The following ANAPC10 variants were observed in gnomAD, a reference collection of about 807,000 sequenced individuals.
ANAPC10 encodes the protein anaphase-promoting complex subunit 10.
In ANAPC10, 12 loss-of-function variants were observed where a neutral mutation model predicts 22.0. That is an observed-to-expected ratio of 0.55 (90% CI 0.35 to 0.88). The LOEUF (loss-of-function observed/expected upper bound fraction) is 0.88, where lower values mean the gene tolerates loss of function less well. Ranked by LOEUF, ANAPC10 falls within the 40% of genes least tolerant of loss-of-function variation. ANAPC10 has a pLI of 0.01. For synonymous variants in ANAPC10, 65 were observed against 69.5 expected, an observed-to-expected ratio of 0.94 and a Z score of 0.32; for missense variants, 188 against 220.9, an observed-to-expected ratio of 0.85 and a Z score of 0.94.
At chr4:145,053,725 C>T in intron 4 of ANAPC10, 1 of 633,364 alleles carries the variant, frequency 1.6e-6, no homozygotes. Context: ...ATTCTCATTC[C>T]TTTATCCTGA....
intron 3 of ANAPC10, among the ~76,000 whole-genome samples, chr4:145,080,113 CAAAAA>C (rs70956824): frequency 7.8e-4 from 21 of 26,806 alleles, no homozygotes; most frequent in Non-Finnish European, 1.3e-3. Context: ...GACTCTGTCT[CAAAAA>C]AAAAAAAAAA....
At chr4:145,076,797 A>C (rs910588707) in intron 3 of ANAPC10, among the ~76,000 whole-genome samples, 11 of 152,222 alleles carry the variant, frequency 7.2e-5, no homozygotes, top group Non-Finnish European at 1.5e-4. Context: ...AACTCACTAC[A>C]AGGATTTCAT....
intron 4 of ANAPC10, among the ~76,000 whole-genome samples, chr4:145,017,095 C>A (rs183863531): frequency 7.2e-5 from 11 of 152,060 alleles, no homozygotes; most frequent in African/African-American, 2.2e-4. Context: ...CAAAAGCAAT[C>A]GCAACAAAAG....
At chr4:145,012,776 G>C (rs1377511011) in intron 4 of ANAPC10, among the ~76,000 whole-genome samples, 1 of 152,090 alleles carries the variant, frequency 6.6e-6, no homozygotes, top group African/African-American at 2.4e-5. Context: ...GAATAGAAAA[G>C]GGAGAAACAC....
chr4:145,058,365 C>A (rs1247368498), intron 4 of ANAPC10, among the ~76,000 whole-genome samples: 1 of 152,080 alleles, frequency 6.6e-6, no homozygotes, highest in Non-Finnish European at 1.5e-5. Context: ...GTCAGTTGAA[C>A]CATCAACCTC....
intron 4 of ANAPC10, among the ~76,000 whole-genome samples, chr4:145,049,314 T>A (rs893307160): frequency 6.6e-6 from 1 of 152,322 alleles, no homozygotes; most frequent in South Asian, 2.1e-4. Context: ...TATTCAATAT[T>A]CCTTTCATGA....
intron 4 of ANAPC10, among the ~76,000 whole-genome samples, chr4:145,043,491 T>C (rs1739823797): frequency 1.3e-5 from 2 of 152,096 alleles, no homozygotes; most frequent in South Asian, 2.1e-4. Context: ...CAATACATTA[T>C]ATGGTAGCAT....
chr4:145,000,925 T>C (rs1344485639), intron 4 of ANAPC10, among the ~76,000 whole-genome samples: 1 of 152,138 alleles, frequency 6.6e-6, no homozygotes, highest in Non-Finnish European at 1.5e-5. Flanking sequence ...ACCATCATTC[T>C]AAGCCAACTA....
intron 4 of ANAPC10, among the ~76,000 whole-genome samples, chr4:145,045,906 A>G (rs896746225): frequency 6.6e-6 from 1 of 152,120 alleles, no homozygotes; most frequent in Non-Finnish European, 1.5e-5. Context: ...GTAATTTTAA[A>G]AAACGATCTG....
intron 4 of ANAPC10, among the ~76,000 whole-genome samples, chr4:145,008,167 C>G (rs186347938): frequency 1.3e-5 from 2 of 152,238 alleles, no homozygotes; most frequent in African/African-American, 4.8e-5. Flanking sequence ...AGACCAATAA[C>G]AGGCTCTGAA....
chr4:145,069,881 A>G (rs1219780451), intron 3 of ANAPC10, among the ~76,000 whole-genome samples: 3 of 152,190 alleles, frequency 2.0e-5, no homozygotes, highest in Admixed American at 2.0e-4. Context: ...AAAAATGTAA[A>G]CAATGACACT....
At chr4:145,027,310 T>G (rs1736909967) in intron 4 of ANAPC10, among the ~76,000 whole-genome samples, 1 of 151,788 alleles carries the variant, frequency 6.6e-6, no homozygotes, top group Non-Finnish European at 1.5e-5. Context: ...GGCCAAAAAC[T>G]TCTTAATTTA....
chr4:145,046,200 T>C (rs191100120), intron 4 of ANAPC10, among the ~76,000 whole-genome samples: 7 of 152,236 alleles, frequency 4.6e-5, no homozygotes, highest in African/African-American at 1.7e-4. Context: ...TAGACAGCGC[T>C]TTCTTGAAAA....
chr4:145,060,426 A>G (rs1447842805), intron 4 of ANAPC10, among the ~76,000 whole-genome samples: 1 of 152,048 alleles, frequency 6.6e-6, no homozygotes. Flanking sequence ...ACTAAAATGA[A>G]GGAAAATAAA....
At chr4:145,063,095 T>A in intron 4 of ANAPC10, among the ~76,000 whole-genome samples, 1 of 152,140 alleles carries the variant, frequency 6.6e-6, no homozygotes, top group East Asian at 1.9e-4. Flanking sequence ...ATCCAGTATA[T>A]AACAGTGACT....
At chr4:145,045,091 G>T (rs1005563266) in intron 4 of ANAPC10, among the ~76,000 whole-genome samples, 2 of 151,808 alleles carry the variant, frequency 1.3e-5, no homozygotes, top group Non-Finnish European at 2.9e-5. Flanking sequence ...CTCTCCAAAA[G>T]CTAATGTAAA....
chr4:145,076,912 A>G (rs1223738354), intron 3 of ANAPC10, among the ~76,000 whole-genome samples: 1 of 152,218 alleles, frequency 6.6e-6, no homozygotes, highest in Non-Finnish European at 1.5e-5. Context: ...AAAATAAAAA[A>G]GAATTTGCCA....
chr4:145,001,842 C>A (rs897296836), intron 4 of ANAPC10, among the ~76,000 whole-genome samples: 3 of 152,094 alleles, frequency 2.0e-5, no homozygotes, highest in Non-Finnish European at 4.4e-5. Context: ...CTGGCTGTGA[C>A]TTACTTAAGA....
chr4:145,097,400 C>G (rs1380518142), intron 1 of ANAPC10: 1 of 985,858 alleles, frequency 1.0e-6, no homozygotes, highest in South Asian at 1.3e-5. Flanking sequence ...AATACTGGAT[C>G]GTGAACAATA....
Sources: allele counts gnomAD v4.1 joint callset (sites outside exome capture counted in the v4.1 genomes callset), GRCh38; gene constraint gnomAD v4.1.1; transcripts MANE v1.5; gene names NCBI Gene and HGNC (gene_info 2026-07-23, HGNC 2026-07-21).